The following CADM1 variants were observed in gnomAD, a reference collection of about 807,000 sequenced individuals.
The protein encoded by CADM1 is TSLC-1.
In CADM1, 15 loss-of-function variants were observed where a neutral mutation model predicts 53.1. That is an observed-to-expected ratio of 0.28 (90% CI 0.19 to 0.44). CADM1 has a LOEUF of 0.44. CADM1 is among the 20% of genes least tolerant of loss of function. The pLI, the probability that CADM1 is intolerant of heterozygous loss-of-function variation, is 1.00. For synonymous variants in CADM1, 281 were observed against 243.0 expected, an observed-to-expected ratio of 1.16 and a Z score of -1.45; for missense variants, 434 against 611.3, an observed-to-expected ratio of 0.71 and a Z score of 3.06.
chr11:115,181,639 G>C (rs1436787068), intron 10 of CADM1, among the ~76,000 whole-genome samples: 2 of 152,186 alleles, frequency 1.3e-5, no homozygotes, highest in Non-Finnish European at 2.9e-5. Context: ...CCCACCTCCT[G>C]GGTTTACGTG....
At chr11:115,284,110 CTCTCTG>C (rs1184011495) in intron 1 of CADM1, among the ~76,000 whole-genome samples, 3 of 133,230 alleles carry the variant, frequency 2.3e-5, no homozygotes, top group South Asian at 2.4e-4. Flanking sequence ...CTCTCTCTCT[CTCTCTG>C]TGTGTGTGTG....
At chr11:115,412,010 C>T (rs1338501370) in intron 1 of CADM1, among the ~76,000 whole-genome samples, 1 of 151,830 alleles carries the variant, frequency 6.6e-6, no homozygotes, top group Non-Finnish European at 1.5e-5. Flanking sequence ...TTTTTTTTTA[C>T]ACATAAAGCT....
intron 1 of CADM1, among the ~76,000 whole-genome samples, chr11:115,364,782 G>A: frequency 6.6e-6 from 1 of 152,134 alleles, no homozygotes; most frequent in African/African-American, 2.4e-5. Flanking sequence ...GCTTCACAAA[G>A]CAATCAATTA....
At chr11:115,409,052 C>T (rs1335491060) in intron 1 of CADM1, among the ~76,000 whole-genome samples, 2 of 151,752 alleles carry the variant, frequency 1.3e-5, no homozygotes, top group African/African-American at 2.4e-5. Context: ...GCAGCTATAA[C>T]GTATATGAAG....
At chr11:115,190,750 G>C (rs923658959) in intron 10 of CADM1, 138 bp downstream of exon 10, 13 of 648,816 alleles carry the variant, frequency 2.0e-5, no homozygotes, top group African/African-American at 2.0e-4. Flanking sequence ...GAGGAAGACA[G>C]TATTGATACA....
chr11:115,433,781 T>C lies in CADM1; in HGVS notation c.124+70490A>G, dbSNP rs147242199. Among the ~76,000 whole-genome samples the C allele has an allele frequency of 1.9e-3, 283 of 152,320 alleles. 1 individual carries two copies. Among genetic ancestry groups the C allele is most frequent in the African/African-American group, 6.6e-3 (273 of 41,576 alleles). ...GAGGAAATTCTTTGCGAAAGAGCATTACACTGTGCAAACACGTCGGCTGGT... is the reference window on the plus strand; with the variant it reads ...GAGGAAATTCTTTGCGAAAGAGCATCACACTGTGCAAACACGTCGGCTGGT... On this transcript the variant is annotated intron_variant, in intron 1 of 11. Coordinates refer to ENST00000331581, the MANE Select transcript of CADM1 (RefSeq NM_001301043.2).
chr11:115,274,262 G>A (rs1943383593), intron 1 of CADM1, among the ~76,000 whole-genome samples: 2 of 152,206 alleles, frequency 1.3e-5, no homozygotes, highest in Non-Finnish European at 2.9e-5. Context: ...GACAACAGGG[G>A]TTTGTTTCCT....
rs559165836 is a variant in CADM1, at chr11:115,354,873, A to G, written c.125-114453T>C. 3.3e-5 allele frequency among the ~76,000 whole-genome samples: 5 copies of G among 152,344 alleles called. No homozygotes were observed. In the South Asian group the frequency reaches 1.0e-3, roughly 32 times the overall value. On this transcript the variant is annotated intron_variant, in intron 1 of 11. Transcript: ENST00000331581. ...AATTAGTAATAATTAACTTAATTAT[A>G]AGATTTTATGCATTCATTTCATTCA... is the stretch of plus-strand genomic sequence containing the variant.
intron 1 of CADM1, among the ~76,000 whole-genome samples, chr11:115,364,323 TCTC>T: frequency 6.6e-6 from 1 of 152,338 alleles, no homozygotes; most frequent in South Asian, 2.1e-4. Context: ...CATCCTTAAG[TCTC>T]CTTTATACTT....
At chr11:115,502,100 G>A (rs867812633) in intron 1 of CADM1, among the ~76,000 whole-genome samples, 1 of 152,128 alleles carries the variant, frequency 6.6e-6, no homozygotes, top group African/African-American at 2.4e-5. Context: ...GCACGGTTGA[G>A]TTCCAGACCG....
intron 1 of CADM1, among the ~76,000 whole-genome samples, chr11:115,448,531 T>C (rs1410427700): frequency 6.6e-6 from 1 of 152,072 alleles, no homozygotes; most frequent in Non-Finnish European, 1.5e-5. Context: ...GATTAATATA[T>C]AAAACATTAA....
chr11:115,242,638 G>A (rs996847565), intron 1 of CADM1, among the ~76,000 whole-genome samples: 3 of 152,134 alleles, frequency 2.0e-5, no homozygotes, highest in Non-Finnish European at 4.4e-5. Context: ...CATAGGACTT[G>A]CTTTGAGTAG....
chr11:115,502,472 T>C (rs1949750235), intron 1 of CADM1, among the ~76,000 whole-genome samples: 1 of 151,868 alleles, frequency 6.6e-6, no homozygotes, highest in Admixed American at 6.6e-5. Context: ...AGGGATCTCT[T>C]TCAGGAACAT....
At chr11:115,429,458 A>C (rs575911413) in intron 1 of CADM1, among the ~76,000 whole-genome samples, 1 of 152,130 alleles carries the variant, frequency 6.6e-6, no homozygotes, top group African/African-American at 2.4e-5. Flanking sequence ...ACAAAAAATT[A>C]TCTGGGCGTT....
chr11:115,188,875 T>C (rs1939704090), intron 10 of CADM1, among the ~76,000 whole-genome samples: 1 of 149,000 alleles, frequency 6.7e-6, no homozygotes, highest in Non-Finnish European at 1.5e-5. Flanking sequence ...TTAAACACTA[T>C]GACAGCTGCT....
chr11:115,214,678 A>G lies in CADM1; in HGVS notation c.924T>C (p.Asn308=). The change falls in exon 7 of 12, where the codon AAT becomes AAC. Residue 308 remains asparagine (N), a synonymous_variant. Transcript: ENST00000331581. Reference sequence around the variant, plus strand: ...TTGAAGCTTCACAGCGGTATGTACCATTATCTGTTTTGTTTAGGTTATTGA... The same window carrying G: ...TTGAAGCTTCACAGCGGTATGTACCGTTATCTGTTTTGTTTAGGTTATTGA... ...LFINNLNKTD[N]GTYRCEASNI... 1.2e-6 allele frequency: 2 copies of G among 1,614,018 alleles called. No individual in the cohort carries two copies. The highest frequency in any genetic ancestry group is 1.3e-5 in the African/African-American group (1 of 75,028).
At chr11:115,484,311 A>G (rs1025712554) in intron 1 of CADM1, among the ~76,000 whole-genome samples, 5 of 152,184 alleles carry the variant, frequency 3.3e-5, no homozygotes, top group African/African-American at 1.2e-4. Context: ...GTTGCCATTA[A>G]GCTGACCTAG....
chr11:115,371,600 C>T (rs2135125700), intron 1 of CADM1, among the ~76,000 whole-genome samples: 1 of 149,844 alleles, frequency 6.7e-6, no homozygotes, highest in Middle Eastern at 3.5e-3. Context: ...AGTAAATGAT[C>T]TAAACACGCA....
At chr11:115,503,568 C>A (rs570047362) in intron 1 of CADM1, among the ~76,000 whole-genome samples, 8 of 152,248 alleles carry the variant, frequency 5.3e-5, no homozygotes, top group South Asian at 2.1e-4. Context: ...GCCGCCCCCC[C>A]CGCGGGGCCG....
Sources: gnomAD v4.1 joint callset for allele counts (sites outside exome capture counted in the v4.1 genomes callset) on GRCh38, gnomAD v4.1.1 for gene constraint, MANE v1.5 for transcripts, NCBI Gene and HGNC (gene_info 2026-07-23, HGNC 2026-07-21) for gene names.